Variants in ZNF365 observed in about 807,000 individuals in gnomAD.
ZNF365 encodes the protein zinc finger protein 365, also known as protein ZNF365.
ZNF365 carries 22 observed loss-of-function variants against 35.0 expected under a neutral mutation model. The ratio of observed to expected loss-of-function variants is 0.63; its 90% CI spans 0.45 to 0.90. The LOEUF (loss-of-function observed/expected upper bound fraction) is 0.90. ZNF365 is among the 40% of genes least tolerant of loss of function. ZNF365 has a pLI of 0.00. For synonymous variants in ZNF365, 188 were observed against 196.2 expected (o/e 0.96, Z 0.35); for missense variants, 448 against 500.3 (o/e 0.90, Z 1.00).
At chr10:62,430,353 T>G (rs2132455605) in intron 3 of ZNF365, among the ~76,000 whole-genome samples, 1 of 151,882 alleles carries the variant, frequency 6.6e-6, no homozygotes, top group South Asian at 2.1e-4. Context: ...GCTAATTTTT[T>G]GTATTTTTAG....
At chr10:62,448,549 G>GT (rs919032180) in intron 3 of ZNF365, among the ~76,000 whole-genome samples, 2 of 152,008 alleles carry the variant, frequency 1.3e-5, no homozygotes, top group Admixed American at 6.6e-5. Flanking sequence ...ATGATTTGGA[G>GT]TGTTTTTTTA....
chr10:62,416,813 C>CATTT (rs1840083693), intron 3 of ZNF365, among the ~76,000 whole-genome samples: 1 of 152,006 alleles, frequency 6.6e-6, no homozygotes, highest in African/African-American at 2.4e-5. Context: ...CTCCAGTGAG[C>CATTT]ATTTCATTTG....
intron 4 of ZNF365, among the ~76,000 whole-genome samples, chr10:62,474,698 A>G (rs765166992): frequency 5.3e-5 from 8 of 152,210 alleles, no homozygotes; most frequent in Non-Finnish European, 7.3e-5. Flanking sequence ...TCAGATATGC[A>G]TATTCACCTT....
intron 3 of ZNF365, among the ~76,000 whole-genome samples, chr10:62,391,332 C>T (rs1839624924): frequency 6.6e-6 from 1 of 152,084 alleles, no homozygotes; most frequent in South Asian, 2.1e-4. Flanking sequence ...ACCCATCACC[C>T]AAGCAGTGTA....
chr10:62,413,285 G>A (rs1840015283), intron 3 of ZNF365, among the ~76,000 whole-genome samples: 1 of 152,070 alleles, frequency 6.6e-6, no homozygotes, highest in Non-Finnish European at 1.5e-5. Context: ...GAATTGTCAG[G>A]CTAAACATAT....
intron 2 of ZNF365, among the ~76,000 whole-genome samples, chr10:62,378,425 T>A (rs1839372387): frequency 6.6e-6 from 1 of 152,224 alleles, no homozygotes; most frequent in Non-Finnish European, 1.5e-5. Context: ...AGTAGTTGCC[T>A]GGAGTGATGG....
intron 3 of ZNF365, among the ~76,000 whole-genome samples, chr10:62,417,383 C>T (rs7923233): frequency 0.63 from 95,129 of 151,862 alleles, 30,325 homozygotes; most frequent in East Asian, 0.84. Flanking sequence ...ACAGAGCCTG[C>T]TATAAAAATG....
Position 62,400,009 on chromosome 10 carries a change from G to A in ZNF365, c.*220G>A. 7 of 1,319,464 alleles carry A rather than the reference G, an allele frequency of 5.3e-6. No homozygotes were observed. Among genetic ancestry groups the A allele is most frequent in the Non-Finnish European group, 6.7e-6 (7 of 1,037,132 alleles). The allele number at this position is 1,319,464 out of a possible 1,614,324, so 81.7% of individuals were successfully genotyped here. ...CCCTTTTAGAAGCTTGCAAATTACA[G>A]AAAGAATAAAAAAATTAAATCAATC... is the stretch of plus-strand genomic sequence containing the variant. On this transcript the variant is annotated 3_prime_UTR_variant, in exon 5 of 5. Transcript: ENST00000395254.
chr10:62,441,702 G>A (rs1473266897), intron 3 of ZNF365, among the ~76,000 whole-genome samples: 4 of 152,086 alleles, frequency 2.6e-5, no homozygotes, highest in African/African-American at 4.8e-5. Context: ...ACTTTAATTG[G>A]AAGCTTGCTC....
At chr10:62,465,444 A>C (rs1016868482) in intron 4 of ZNF365, among the ~76,000 whole-genome samples, 1 of 152,084 alleles carries the variant, frequency 6.6e-6, no homozygotes, top group African/African-American at 2.4e-5. Context: ...CCCTAGTGAA[A>C]ACCCACCTTC....
chr10:62,403,442 A>G (rs11596086), downstream of ZNF365, among the ~76,000 whole-genome samples: 75,814 of 151,904 alleles, frequency 0.5, 22,693 homozygotes, highest in East Asian at 0.76. Context: ...GCGGATCACG[A>G]GGTCAGGAGA....
chr10:62,406,159 A>AC (rs1440338925), downstream of ZNF365, among the ~76,000 whole-genome samples: 3 of 152,010 alleles, frequency 2.0e-5, no homozygotes, highest in East Asian at 3.9e-4. Flanking sequence ...CCAGCACCAG[A>AC]CCTCTTGCTC....
chr10:62,474,645 T>A (rs989748626), intron 4 of ZNF365, among the ~76,000 whole-genome samples: 1 of 152,230 alleles, frequency 6.6e-6, no homozygotes, highest in Non-Finnish European at 1.5e-5. Flanking sequence ...AATAAGCCAA[T>A]GATTCTCCAA....
intron 2 of ZNF365, among the ~76,000 whole-genome samples, chr10:62,380,377 T>C (rs538608105): frequency 6.6e-6 from 1 of 152,360 alleles, no homozygotes; most frequent in East Asian, 1.9e-4. Flanking sequence ...CTTAATAACA[T>C]TTTCTTTAGC....
At chr10:62,425,579 T>C (rs1840238861) in intron 3 of ZNF365, among the ~76,000 whole-genome samples, 1 of 152,174 alleles carries the variant, frequency 6.6e-6, no homozygotes, top group Non-Finnish European at 1.5e-5. Flanking sequence ...ACCTGTGTGA[T>C]TACCATTCCC....
intron 3 of ZNF365, among the ~76,000 whole-genome samples, chr10:62,433,840 T>C (rs1190469489): frequency 6.6e-6 from 1 of 152,082 alleles, no homozygotes; most frequent in Non-Finnish European, 1.5e-5. Flanking sequence ...GTTTTGGGGG[T>C]GCTTAGTTTC....
chr10:62,390,598 G>A (rs1839610555), intron 3 of ZNF365, among the ~76,000 whole-genome samples: 1 of 152,186 alleles, frequency 6.6e-6, no homozygotes, highest in South Asian at 2.1e-4. Context: ...AGTTAGATAT[G>A]TACATGCAAA....
rs1478336277 is a variant in ZNF365, at chr10:62,401,366, G to A, written c.*1577G>A. 1 of 985,444 alleles carries A rather than the reference G, an allele frequency of 1.0e-6. No homozygotes were observed. Among genetic ancestry groups the A allele is most frequent in the Non-Finnish European group, 1.2e-6 (1 of 829,900 alleles). The allele number at this position is 985,444 out of a possible 1,614,324, so 61.0% of individuals were successfully genotyped here. On this transcript the variant is annotated 3_prime_UTR_variant, in exon 5 of 5. Coordinates refer to ENST00000395254, the MANE Select transcript of ZNF365 (RefSeq NM_014951.3). Reference sequence around the variant, plus strand: ...TCAAATTAGCAGCGCATTAAAAATAGGAAATAAAGCAGTTGCTTAAAATGC... The same window carrying A: ...TCAAATTAGCAGCGCATTAAAAATAAGAAATAAAGCAGTTGCTTAAAATGC...
intron 3 of ZNF365, among the ~76,000 whole-genome samples, chr10:62,418,289 G>T (rs1023970446): frequency 2.0e-5 from 3 of 151,906 alleles, no homozygotes; most frequent in African/African-American, 7.2e-5. Flanking sequence ...AAAATAGGCT[G>T]GTTAGAATTG....
Sources: gnomAD v4.1 joint callset for allele counts (sites outside exome capture counted in the v4.1 genomes callset) on GRCh38, gnomAD v4.1.1 for gene constraint, MANE v1.5 for transcripts, NCBI Gene and HGNC (gene_info 2026-07-23, HGNC 2026-07-21) for gene names.